ATP10A: variants seen among roughly 807,000 people sequenced by gnomAD.
The protein encoded by ATP10A is ATPase phospholipid transporting 10A (putative).
A neutral mutation model predicts 147.8 loss-of-function variants in ATP10A; 111 were observed. The ratio of observed to expected loss-of-function variants is 0.75; its 90% CI spans 0.64 to 0.88. The LOEUF (loss-of-function observed/expected upper bound fraction) is 0.88, where lower values mean the gene tolerates loss of function less well. Ranked by LOEUF, ATP10A falls within the 40% of genes least tolerant of loss-of-function variation. ATP10A has a pLI of 0.00. For synonymous variants in ATP10A, 875 were observed against 841.6 expected (o/e 1.04, Z -0.69); for missense variants, 1,927 against 1,959.0 (o/e 0.98, Z 0.31).
In ATP10A at chr15:25,724,012, A is replaced by G; in HGVS notation, c.989T>C (p.Leu330Pro). ...MSLFSAVGHG[L>P]WIWRYQEKKS... Reference sequence around the variant, plus strand: ...CTTCTCTTGATACCGCCATATCCACAGTCCATGTCCTGTAGTAATGTTCAA... The same window carrying G: ...CTTCTCTTGATACCGCCATATCCACGGTCCATGTCCTGTAGTAATGTTCAA... Residue 330 changes from leucine (L) to proline (P), a missense_variant, in exon 6 of 21, where the codon CTG becomes CCG. Transcript: ENST00000555815. The G allele has an allele frequency of 6.3e-7, 1 of 1,599,424 alleles. No individual in the cohort carries two copies. Among genetic ancestry groups the G allele is most frequent in the South Asian group, 1.1e-5 (1 of 87,516 alleles).
At chr15:25,706,363 C>T (rs74867302) in intron 12 of ATP10A, among the ~76,000 whole-genome samples, 2,129 of 152,296 alleles carry the variant, frequency 0.014, 19 homozygotes, top group Non-Finnish European at 0.019. Context: ...CCGCTCAGTG[C>T]CAGGCCCTGT....
At chr15:25,760,923 T>C (rs1043828917) in intron 2 of ATP10A, among the ~76,000 whole-genome samples, 2 of 152,218 alleles carry the variant, frequency 1.3e-5, no homozygotes, top group South Asian at 4.1e-4. Context: ...AAGAGATGTG[T>C]CTAAGAGAAT....
chr15:25,758,865 ATTCCGACCACCTGCTCCACCCTT>A (rs1888594758), intron 2 of ATP10A, among the ~76,000 whole-genome samples: 4 of 148,970 alleles, frequency 2.7e-5, no homozygotes, highest in Non-Finnish European at 1.5e-5. Flanking sequence ...CTCCACCCTC[ATTCCGACCACCTGCTCCACCCTT>A]ACTCATTCTG....
chr15:25,686,937 C>T (rs951767547), intron 16 of ATP10A, among the ~76,000 whole-genome samples: 1 of 108,290 alleles, frequency 9.2e-6, no homozygotes, highest in Non-Finnish European at 1.7e-5. Context: ...TGTCTGCAGC[C>T]AATCTGCCCT....
intron 14 of ATP10A, among the ~76,000 whole-genome samples, chr15:25,692,681 C>T (rs1041997565): frequency 1.3e-5 from 2 of 152,200 alleles, no homozygotes; most frequent in Admixed American, 6.5e-5. Flanking sequence ...CCCAGAATGT[C>T]CCATTTAAAA....
intron 2 of ATP10A, among the ~76,000 whole-genome samples, chr15:25,766,352 A>G (rs896668856): frequency 4.7e-4 from 71 of 152,274 alleles, no homozygotes; most frequent in African/African-American, 1.7e-3. Flanking sequence ...ATTACAAGCT[A>G]GCAAATGTAG....
rs2140277704 is a variant in ATP10A at position 25,680,980 on chromosome 15, A to G, written c.3573+14T>C. 1.2e-6 allele frequency: 2 copies of G among 1,614,044 alleles called. No homozygotes were observed. The highest frequency in any genetic ancestry group is 2.2e-5 in the South Asian group (2 of 91,082). On this transcript the variant is annotated intron_variant, in intron 18 of 20. Transcript: ENST00000555815. ...CCAGCTGGTAAGAAAAACTGCACCC[A>G]GGGGCCAACTTACCAGGTAAGGAAT...
intron 1 of ATP10A, among the ~76,000 whole-genome samples, chr15:25,810,536 T>C (rs115749407): frequency 0.011 from 1,649 of 152,250 alleles, 31 homozygotes; most frequent in African/African-American, 0.038. Flanking sequence ...TTTGCAAAAG[T>C]TGAAAACACA....
Position 25,708,031 on chromosome 15 carries a change from G to C in ATP10A, c.2520C>G (p.Ser840Arg). 1 of 1,614,134 alleles carries C rather than the reference G, an allele frequency of 6.2e-7. No individual in the cohort carries two copies. The highest frequency in any genetic ancestry group is 1.1e-5 in the South Asian group (1 of 91,086). The change falls in exon 12 of 21, where the codon AGC becomes AGG. Residue 840 changes from serine (S) to arginine (R), a missense_variant. Ser to Arg is a moderately radical substitution (Grantham distance 110). Coordinates refer to ENST00000555815, the MANE Select transcript of ATP10A (RefSeq NM_024490.4). Reference protein sequence around the residue: ...HLEAESSLENSEELLFQSAIR... With the variant: ...HLEAESSLENREELLFQSAIR... ...TGGCAGACTGGAAGAGGAGCTCCTC[G>C]CTGTTTTCCAGGGAGGATTCGGCTT...
Position 25,804,431 on chromosome 15 carries a change from G to A in ATP10A, c.450-23208C>T, listed in dbSNP as rs760377042. The stretch of plus-strand genomic sequence containing the variant: ...GGTGTGTGTGCATCTGCGTGTGTAT[G>A]TGTGGTGTGTGTGTCTGTGTGCATG... On this transcript the variant is annotated intron_variant, in intron 1 of 20. Transcript: ENST00000555815. 7.5e-5 allele frequency among the ~76,000 whole-genome samples: 10 copies of A among 132,736 alleles called. No individual in the cohort carries two copies. The South Asian group carries it at 1.9e-3, about 26-fold the overall frequency. The allele number at this position is 132,736 out of a possible 152,430, so 87.1% of individuals were successfully genotyped here. A position where few individuals can be genotyped will look rare whatever the true frequency, so the allele number is the denominator to read the frequency against.
intron 8 of ATP10A, among the ~76,000 whole-genome samples, chr15:25,717,222 C>T (rs1901875180): frequency 6.9e-6 from 1 of 145,590 alleles, no homozygotes; most frequent in South Asian, 2.1e-4. Flanking sequence ...TTTCCATTTT[C>T]TCCAAAACAT....
At chr15:25,701,320 G>A (rs2140342532) in intron 13 of ATP10A, among the ~76,000 whole-genome samples, 1 of 152,316 alleles carries the variant, frequency 6.6e-6, no homozygotes, top group East Asian at 1.9e-4. Context: ...AGGGGCTGGG[G>A]TGGGGAGTCT....
chr15:25,851,612 G>A (rs137994000), intron 1 of ATP10A, among the ~76,000 whole-genome samples: 1 of 152,116 alleles, frequency 6.6e-6, no homozygotes, highest in African/African-American at 2.4e-5. Flanking sequence ...AGACATTTGA[G>A]CCAACAGAGG....
chr15:25,719,155 T>C (rs1286218336), intron 7 of ATP10A, among the ~76,000 whole-genome samples: 2 of 152,132 alleles, frequency 1.3e-5, no homozygotes, highest in Non-Finnish European at 1.5e-5. Flanking sequence ...GAGGATTACT[T>C]ATCAGAACAA....
intron 2 of ATP10A, 131 bp downstream of exon 2, chr15:25,780,888 A>T: frequency 1.0e-6 from 1 of 979,596 alleles, no homozygotes; most frequent in Non-Finnish European, 1.5e-6. Flanking sequence ...AGACCCTCAG[A>T]CTCGTCTACT....
intron 2 of ATP10A, among the ~76,000 whole-genome samples, chr15:25,757,839 TC>T (rs1210105188): frequency 2.0e-5 from 3 of 147,738 alleles, no homozygotes; most frequent in African/African-American, 5.1e-5. Flanking sequence ...CCTAACTCAT[TC>T]CGACCACCTG....
chr15:25,683,022 A>T lies in ATP10A; in HGVS notation c.3492+264T>A, dbSNP rs550098348. On this transcript the variant is annotated intron_variant, in intron 17 of 20. Transcript: ENST00000555815. ...AAAAATCCCCCCTCTAGCTTCAGTG[A>T]TCCCCTGTGACTGACTGGACTCTGG... Among the ~76,000 whole-genome samples the T allele has an allele frequency of 3.3e-5, 5 of 152,206 alleles. No homozygotes were observed. The South Asian group carries it at 1.0e-3, about 32-fold the overall frequency.
intron 9 of ATP10A, 107 bp from the exon 10 acceptor site, chr15:25,714,348 C>G: frequency 1.0e-6 from 1 of 986,756 alleles, no homozygotes; most frequent in Non-Finnish European, 1.5e-6. Context: ...ACAATGACCT[C>G]GCTTCCCCAC....
rs1901943248 is a variant in ATP10A at position 25,718,187 on chromosome 15, G to T, written c.1576C>A (p.Pro526Thr). ...AGGAGGCCCTGTACACTCACCATGG[G>T]GCTGCTGAAGGCCGTGTGCTTGGAC... ...MLSKHTAFSS[P>T]MEKDITPDPK... The change falls in exon 8 of 21, where the codon CCC becomes ACC. Residue 526 changes from proline to threonine, a missense_variant. By Grantham distance (38) the Pro-to-Thr change is conservative. Transcript: ENST00000555815. The T allele has an allele frequency of 6.2e-7, 1 of 1,612,714 alleles. No individual in the cohort carries two copies. Among genetic ancestry groups the T allele is most frequent in the African/African-American group, 1.3e-5 (1 of 74,956 alleles).
Sources: allele counts gnomAD v4.1 joint callset (sites outside exome capture counted in the v4.1 genomes callset), GRCh38; gene constraint gnomAD v4.1.1; transcripts MANE v1.5; gene names NCBI Gene and HGNC (gene_info 2026-07-23, HGNC 2026-07-21).